Variants in SRC observed in about 807,000 individuals in gnomAD.
SRC encodes SRC proto-oncogene, non-receptor tyrosine kinase, also known as proto-oncogene tyrosine-protein kinase Src.
SRC carries 13 observed loss-of-function variants against 62.9 expected under a neutral mutation model. The observed-to-expected ratio is 0.21, with a 90% CI of 0.13 to 0.33. The LOEUF (loss-of-function observed/expected upper bound fraction) is 0.33, where lower values mean the gene tolerates loss of function less well. Ranked by LOEUF, SRC falls within the 10% of genes least tolerant of loss-of-function variation. SRC has a pLI of 1.00. For missense variants in SRC, 457 were observed against 737.3 expected (o/e 0.62, Z 4.40); for synonymous variants, 302 against 317.5 (o/e 0.95, Z 0.52).
chr20:37,350,468 T>C (rs2069785585), intron 1 of SRC, among the ~76,000 whole-genome samples: 1 of 152,176 alleles, frequency 6.6e-6, no homozygotes, highest in Non-Finnish European at 1.5e-5. Context: ...GGTATGAGGC[T>C]GTACCTTAGG....
chr20:37,359,776 T>C (rs1236627260), intron 1 of SRC, among the ~76,000 whole-genome samples: 4 of 151,788 alleles, frequency 2.6e-5, no homozygotes. Context: ...CTGGCTGCTG[T>C]GTGAAGAGCA....
intron 2 of SRC, among the ~76,000 whole-genome samples, chr20:37,380,560 A>G (rs2147032864): frequency 6.6e-6 from 1 of 152,352 alleles, no homozygotes; most frequent in South Asian, 2.1e-4. Flanking sequence ...TAGTCTTTTC[A>G]GTGTGGCATT....
At position 37,404,330 on chromosome 20, in the gene SRC, A is replaced by G. The variant is rs1174546929; in HGVS notation, c.*951A>G. 3 of 233,432 alleles carry G rather than the reference A, an allele frequency of 1.3e-5. No homozygotes were observed. The highest frequency in any genetic ancestry group is 1.7e-5 in the Non-Finnish European group (2 of 118,068). The allele number at this position is 233,432 out of a possible 1,614,324, so 14.5% of individuals were successfully genotyped here. A position where few individuals can be genotyped will look rare whatever the true frequency, so the allele number is the denominator to read the frequency against. On this transcript the variant is annotated 3_prime_UTR_variant, in exon 14 of 14. Coordinates refer to ENST00000373578, the MANE Select transcript of SRC (RefSeq NM_198291.3). ...ATCAGGGTAAAAGGTGCAGGTGTGG[A>G]GAGAGAGGCTTCAATCGGCTTGTGG...
intron 1 of SRC, among the ~76,000 whole-genome samples, chr20:37,350,720 T>G (rs1459749683): frequency 6.6e-6 from 1 of 152,226 alleles, no homozygotes; most frequent in African/African-American, 2.4e-5. Flanking sequence ...TTCTCCTCCC[T>G]GTTGGGGACT....
At chr20:37,388,259 C>G (rs1181533379) in intron 5 of SRC, among the ~76,000 whole-genome samples, 1 of 152,132 alleles carries the variant, frequency 6.6e-6, no homozygotes, top group Non-Finnish European at 1.5e-5. Flanking sequence ...CCAGCCCTTT[C>G]CCTCCACTCT....
intron 1 of SRC, among the ~76,000 whole-genome samples, chr20:37,359,961 C>G (rs933780395): frequency 2.0e-5 from 3 of 151,944 alleles, no homozygotes; most frequent in African/African-American, 4.8e-5. Context: ...ATTCTGGAGG[C>G]ATGTTCATAG....
At chr20:37,362,876 A>G (rs2069997878) in intron 1 of SRC, among the ~76,000 whole-genome samples, 1 of 152,060 alleles carries the variant, frequency 6.6e-6, no homozygotes, top group African/African-American at 2.4e-5. Flanking sequence ...AGAGAGCGCC[A>G]CCCTGGTGTG....
chr20:37,403,036 C>T lies in SRC; in HGVS notation c.1403-135C>T, dbSNP rs2070766149. On this transcript the variant is annotated intron_variant, in intron 13 of 13. Coordinates refer to ENST00000373578, the MANE Select transcript of SRC (RefSeq NM_198291.3). The surrounding 1 kb of genome is among the most constrained non-coding windows in gnomAD (Gnocchi z 7.1). ...CTCTCTCGATGGTCCATGCTCTCAG[C>T]TTCGGGGACAGGACTTATCTATGGT... The T allele has an allele frequency of 3.8e-6, 5 of 1,311,376 alleles. No individual in the cohort carries two copies. The highest frequency in any genetic ancestry group is 5.1e-6 in the Non-Finnish European group (5 of 978,538). 81.2% of individuals were successfully genotyped at this position (1,311,376 alleles called of 1,614,324 possible).
intron 1 of SRC, among the ~76,000 whole-genome samples, chr20:37,356,432 C>G (rs1449850175): frequency 6.6e-6 from 1 of 151,984 alleles, no homozygotes; most frequent in African/African-American, 2.4e-5. Context: ...TGAGGTGGCC[C>G]TGGTGGCCGC....
intron 3 of SRC, among the ~76,000 whole-genome samples, 167 bp from the exon 4 acceptor site, chr20:37,383,983 G>A (rs1313865874): frequency 6.6e-6 from 1 of 151,448 alleles, no homozygotes; most frequent in Non-Finnish European, 1.5e-5. Flanking sequence ...TGATCCGCCC[G>A]CTTCGGCCTC....
Position 37,400,130 on chromosome 20 carries a change from C to A in SRC, c.875C>A (p.Thr292Asn), listed in dbSNP as rs111844926. 7.4e-5 allele frequency: 119 copies of A among 1,610,128 alleles called. No homozygotes were observed. In the African/African-American group the frequency reaches 1.2e-3, roughly 16 times the overall value. Residue 292 changes from threonine (T) to asparagine (N), a missense_variant, in exon 10 of 14, where the codon ACC becomes AAC. Transcript: ENST00000373578. ...TCCTCAACAGGGACCTGGAACGGTA[C>A]CACCAGGGTGGCCATCAAAACCCTG... ...GEVWMGTWNG[T>N]TRVAIKTLKP...
chr20:37,400,580 C>T (rs746094441), intron 10 of SRC, among the ~76,000 whole-genome samples: 3 of 152,068 alleles, frequency 2.0e-5, no homozygotes, highest in Non-Finnish European at 4.4e-5. Context: ...AGATGGGACC[C>T]TATGTTGCCC....
In SRC at chr20:37,373,243, T is replaced by A. The variant is rs188246244; in HGVS notation, c.-173+7966T>A. On this transcript the variant is annotated intron_variant, in intron 2 of 13. Coordinates refer to ENST00000373578, the MANE Select transcript of SRC (RefSeq NM_198291.3). ...ACATACGTACACACATGCACATATG[T>A]ACACACGCACACACATGTACATACG... is the stretch of plus-strand genomic sequence containing the variant. Among the ~76,000 whole-genome samples, 19 of 91,670 alleles carry A rather than the reference T, an allele frequency of 2.1e-4. No homozygotes were observed. In the South Asian group the frequency reaches 5.1e-3, roughly 25 times the overall value. 60.1% of individuals were successfully genotyped at this position (91,670 alleles called of 152,430 possible).
chr20:37,381,712 T>C (rs959479526), intron 2 of SRC, among the ~76,000 whole-genome samples: 3 of 152,088 alleles, frequency 2.0e-5, no homozygotes, highest in Non-Finnish European at 4.4e-5. Context: ...CCATCAATCC[T>C]TGGGCTGCAG....
chr20:37,368,828 G>A (rs1401604235), intron 2 of SRC, among the ~76,000 whole-genome samples: 1 of 152,052 alleles, frequency 6.6e-6, no homozygotes, highest in Non-Finnish European at 1.5e-5. Flanking sequence ...TGGGATTACA[G>A]GCGTGAGCCA....
At chr20:37,388,683 G>C (rs1355796993) in intron 5 of SRC, among the ~76,000 whole-genome samples, 2 of 152,178 alleles carry the variant, frequency 1.3e-5, no homozygotes, top group East Asian at 3.9e-4. Context: ...GGAGTTGAAG[G>C]CTGCAGTGAG....
chr20:37,385,140 AC>A (rs762097628), intron 4 of SRC, among the ~76,000 whole-genome samples: 2 of 146,712 alleles, frequency 1.4e-5, no homozygotes, highest in Non-Finnish European at 3.0e-5. Flanking sequence ...AGCTGAAGAC[AC>A]ACGCACATGC....
At chr20:37,363,942 G>T (rs1244601612) in intron 1 of SRC, among the ~76,000 whole-genome samples, 1 of 151,946 alleles carries the variant, frequency 6.6e-6, no homozygotes, top group African/African-American at 2.4e-5. Flanking sequence ...AAGTCCTTCG[G>T]CTCTCCCATC....
chr20:37,393,138 G>A (rs2070580889), intron 5 of SRC, among the ~76,000 whole-genome samples: 1 of 152,104 alleles, frequency 6.6e-6, no homozygotes, highest in Non-Finnish European at 1.5e-5. Flanking sequence ...GAAGTGCCCT[G>A]GGCATTGGGG....
Sources: gnomAD v4.1 joint callset for allele counts (sites outside exome capture counted in the v4.1 genomes callset) on GRCh38, gnomAD v4.1.1 for gene constraint, Gnocchi (gnomAD v3.1) non-coding constraint, MANE v1.5 for transcripts, NCBI Gene and HGNC (gene_info 2026-07-23, HGNC 2026-07-21) for gene names.